Variants in MVB12B observed in about 807,000 individuals in gnomAD.
MVB12B encodes the protein multivesicular body subunit 12B.
In MVB12B, 16 loss-of-function variants were observed where a neutral mutation model predicts 41.6. That is an observed-to-expected ratio of 0.38 (90% CI 0.26 to 0.58). MVB12B has a LOEUF of 0.58. MVB12B is among the 20% of genes least tolerant of loss of function. MVB12B has a pLI of 0.62. For synonymous variants in MVB12B, 133 were observed against 139.7 expected, an observed-to-expected ratio of 0.95 and a Z score of 0.34; for missense variants, 274 against 380.2, an observed-to-expected ratio of 0.72 and a Z score of 2.32.
intron 7 of MVB12B, among the ~76,000 whole-genome samples, chr9:126,430,285 C>T (rs1472693953): frequency 6.6e-6 from 1 of 152,134 alleles, no homozygotes; most frequent in African/African-American, 2.4e-5. Flanking sequence ...CAGCCCCACC[C>T]GTGTCCCACC....
chr9:126,444,665 A>G (rs1832721675), intron 7 of MVB12B, among the ~76,000 whole-genome samples: 1 of 152,066 alleles, frequency 6.6e-6, no homozygotes, highest in Admixed American at 6.5e-5. Context: ...TGTCTTTGCC[A>G]TCACGTTTTA....
intron 1 of MVB12B, among the ~76,000 whole-genome samples, chr9:126,336,281 T>A (rs1462578039): frequency 6.6e-6 from 1 of 152,224 alleles, no homozygotes; most frequent in Non-Finnish European, 1.5e-5. Flanking sequence ...GATATCAAAG[T>A]TCCCCTGAGT....
chr9:126,381,221 A>G, intron 3 of MVB12B, 50 bp downstream of exon 3: 1 of 1,277,938 alleles, frequency 7.8e-7, no homozygotes, highest in Non-Finnish European at 1.1e-6. Context: ...AGTAATTTAC[A>G]TTCCTGTTTG....
intron 9 of MVB12B, among the ~76,000 whole-genome samples, chr9:126,498,461 A>T (rs28650080): frequency 1.3e-5 from 2 of 152,044 alleles, no homozygotes; most frequent in Non-Finnish European, 2.9e-5. Flanking sequence ...CACCTGGCCC[A>T]GCCCCTGCCC....
chr9:126,366,784 C>T (rs984201236), intron 2 of MVB12B, among the ~76,000 whole-genome samples: 7 of 152,114 alleles, frequency 4.6e-5, no homozygotes, highest in Non-Finnish European at 8.8e-5. Flanking sequence ...TCTCACTTGG[C>T]GTCTGGCCCT....
chr9:126,344,815 C>T (rs1427901276), intron 2 of MVB12B, among the ~76,000 whole-genome samples: 1 of 152,190 alleles, frequency 6.6e-6, no homozygotes, highest in Non-Finnish European at 1.5e-5. Flanking sequence ...CATCCCATGG[C>T]GGAAGTCGGA....
At position 126,351,093 on chromosome 9, in the gene MVB12B, T is replaced by C. The variant is rs544124115; in HGVS notation, c.204+10463T>C. 2.0e-5 allele frequency among the ~76,000 whole-genome samples: 3 copies of C among 152,344 alleles called. No homozygotes were observed. In the South Asian group the frequency reaches 6.2e-4, roughly 32 times the overall value. ...GTTTTGTAGTTTTCAGCAAACAAGC[T>C]CTATAATGTTTTGGTAGATTTGAGC... On this transcript the variant is annotated intron_variant, in intron 2 of 9. Transcript: ENST00000361171.
In MVB12B at chr9:126,503,573, C is replaced by A; in HGVS notation, c.*310C>A. The A allele has an allele frequency of 2.4e-6, 1 of 418,378 alleles. No homozygotes were observed. The highest frequency in any genetic ancestry group is 4.3e-6 in the Non-Finnish European group (1 of 231,884). The allele number at this position is 418,378 out of a possible 1,614,324, so 25.9% of individuals were successfully genotyped here. A position where few individuals can be genotyped will look rare whatever the true frequency, so the allele number is the denominator to read the frequency against. On this transcript the variant is annotated 3_prime_UTR_variant, in exon 10 of 10. Coordinates refer to ENST00000361171, the MANE Select transcript of MVB12B (RefSeq NM_033446.3). ...AAACCTCACTCACCACGGAGTCACC[C>A]TGAGGGCCCCGGGCAGTTGCCCTGG...
chr9:126,460,188 C>T (rs980728802), intron 7 of MVB12B, among the ~76,000 whole-genome samples: 2 of 152,144 alleles, frequency 1.3e-5, no homozygotes, highest in Non-Finnish European at 2.9e-5. Context: ...ACCTCCTCGG[C>T]AGGGTGGACA....
chr9:126,437,878 A>T (rs1564330203), intron 7 of MVB12B, among the ~76,000 whole-genome samples: 2 of 152,202 alleles, frequency 1.3e-5, no homozygotes, highest in East Asian at 3.8e-4. Context: ...GTAAAATTAA[A>T]TTTTTTATAG....
At chr9:126,479,871 C>T (rs1423956945) in intron 7 of MVB12B, among the ~76,000 whole-genome samples, 1 of 152,224 alleles carries the variant, frequency 6.6e-6, no homozygotes, top group Non-Finnish European at 1.5e-5. Context: ...CCTGTATGAA[C>T]GTAGCATGAG....
chr9:126,460,507 A>G (rs1833067367), intron 7 of MVB12B, among the ~76,000 whole-genome samples: 1 of 152,112 alleles, frequency 6.6e-6, no homozygotes, highest in South Asian at 2.1e-4. Context: ...TCTATTGCAG[A>G]AGCATCTGCT....
chr9:126,404,590 C>T (rs970497573), intron 6 of MVB12B, among the ~76,000 whole-genome samples: 19 of 152,334 alleles, frequency 1.2e-4, no homozygotes, highest in Admixed American at 3.9e-4. Flanking sequence ...CTTCCCAGGG[C>T]GTGTGGGTGG....
Position 126,497,726 on chromosome 9 carries a change from C to T in MVB12B, c.874-5451C>T, listed in dbSNP as rs373262913. Reference sequence around the variant, plus strand: ...CCTCCTAGTGAAGCACTTTCTCACGCTTTCTGGAGCTGGGGCTTCCCGCTG... The same window carrying T: ...CCTCCTAGTGAAGCACTTTCTCACGTTTTCTGGAGCTGGGGCTTCCCGCTG... On this transcript the variant is annotated intron_variant, in intron 9 of 9. Coordinates refer to ENST00000361171, the MANE Select transcript of MVB12B (RefSeq NM_033446.3). 1.1e-4 allele frequency among the ~76,000 whole-genome samples: 17 copies of T among 152,330 alleles called. No homozygotes were observed. In the East Asian group the frequency reaches 3.1e-3, roughly 28 times the overall value.
At chr9:126,463,118 G>A (rs568191880) in intron 7 of MVB12B, among the ~76,000 whole-genome samples, 2 of 152,322 alleles carry the variant, frequency 1.3e-5, no homozygotes, top group East Asian at 3.9e-4. Context: ...CTGGGCCAGT[G>A]GGTGTGGTGT....
rs754336242 is a variant in MVB12B at position 126,391,524 on chromosome 9, A to G, written c.410-542A>G. 3.3e-5 allele frequency among the ~76,000 whole-genome samples: 5 copies of G among 152,174 alleles called. No homozygotes were observed. Among genetic ancestry groups the G allele is most frequent in the Non-Finnish European group, 7.3e-5 (5 of 68,028 alleles). On this transcript the variant is annotated intron_variant, in intron 4 of 9. Transcript: ENST00000361171. The surrounding 1 kb of genome is among the most constrained non-coding windows in gnomAD (Gnocchi z 4.4). ...CAGTGTCCTGGATGCCTACTGAGGT[A>G]TTGATGGTGACATAACGTAGTGTCG...
chr9:126,346,209 C>T (rs1056152347), intron 2 of MVB12B, among the ~76,000 whole-genome samples: 2 of 152,076 alleles, frequency 1.3e-5, no homozygotes, highest in Admixed American at 6.5e-5. Flanking sequence ...GGCAGGTGGG[C>T]GTGTGTGGAG....
At chr9:126,470,221 T>C (rs1833283152) in intron 7 of MVB12B, among the ~76,000 whole-genome samples, 1 of 152,116 alleles carries the variant, frequency 6.6e-6, no homozygotes, top group Non-Finnish European at 1.5e-5. Context: ...CCAAAGACGT[T>C]TGGAGGGACA....
chr9:126,467,652 G>A (rs1006571859), intron 7 of MVB12B, among the ~76,000 whole-genome samples: 1 of 152,164 alleles, frequency 6.6e-6, no homozygotes, highest in African/African-American at 2.4e-5. Flanking sequence ...ATGGACTAGG[G>A]TATTCTTACT....
Sources: gnomAD v4.1 joint callset for allele counts (sites outside exome capture counted in the v4.1 genomes callset) on GRCh38, gnomAD v4.1.1 for gene constraint, Gnocchi (gnomAD v3.1) non-coding constraint, MANE v1.5 for transcripts, NCBI Gene and HGNC (gene_info 2026-07-23, HGNC 2026-07-21) for gene names.